Variants in DPP4 observed in about 807,000 individuals in gnomAD.
DPP4 encodes the protein ADCP-2.
DPP4 carries 93 observed loss-of-function variants against 122.4 expected under a neutral mutation model. The observed-to-expected ratio is 0.76, with a 90% CI of 0.64 to 0.90. The LOEUF is 0.90. Ranked by LOEUF, DPP4 falls within the 40% of genes least tolerant of loss-of-function variation. The pLI is 0.00. For missense variants in DPP4, 914 were observed against 907.3 expected (o/e 1.01, Z -0.09); for synonymous variants, 321 against 302.9 (o/e 1.06, Z -0.62).
At chr2:162,021,979 G>C (rs1476292444) in intron 12 of DPP4, among the ~76,000 whole-genome samples, 1 of 152,124 alleles carries the variant, frequency 6.6e-6, no homozygotes, top group Non-Finnish European at 1.5e-5. Context: ...TCACCTCTAT[G>C]ATCCAAGAGG....
intron 21 of DPP4, 106 bp from the exon 22 acceptor site, chr2:162,008,767 T>C: frequency 3.0e-6 from 3 of 1,000,064 alleles, no homozygotes; most frequent in South Asian, 1.4e-5. Flanking sequence ...TGTGCCTCTT[T>C]AGAGATAAAA....
intron 2 of DPP4, 173 bp downstream of exon 2, chr2:162,073,226 A>G (rs1469482952): frequency 1.7e-6 from 1 of 603,512 alleles, no homozygotes; most frequent in Non-Finnish European, 3.0e-6. Context: ...GACCCCGCGA[A>G]GTGAATCCAG....
intron 7 of DPP4, 99 bp downstream of exon 7, chr2:162,038,850 T>C (rs1461829536): frequency 5.7e-6 from 6 of 1,044,414 alleles, no homozygotes; most frequent in South Asian, 1.3e-5. Flanking sequence ...TAGTGAAGTA[T>C]TGAGTTCCTA....
intron 14 of DPP4, among the ~76,000 whole-genome samples, 155 bp from the exon 15 acceptor site, chr2:162,019,431 G>A (rs1314123893): frequency 6.6e-6 from 1 of 151,914 alleles, no homozygotes; most frequent in African/African-American, 2.4e-5. Context: ...TCACCCCCGA[G>A]AAGCCATTTT....
rs201186860 is a variant in DPP4, at chr2:161,992,605, A to G, written c.*678T>C. 1 of 152,830 alleles carries G rather than the reference A, an allele frequency of 6.5e-6. No homozygotes were observed. The highest frequency in any genetic ancestry group is 1.5e-5 in the Non-Finnish European group (1 of 68,096). 9.5% of individuals were successfully genotyped at this position (152,830 alleles called of 1,614,324 possible). A position where few individuals can be genotyped will look rare whatever the true frequency, so the allele number is the denominator to read the frequency against. Reference sequence around the variant, plus strand: ...CTGTGTTTTTGTAGCACCTATAGCCATAACTGGCACCTGGGGGCCTGCGTT... The same window carrying G: ...CTGTGTTTTTGTAGCACCTATAGCCGTAACTGGCACCTGGGGGCCTGCGTT... On this transcript the variant is annotated 3_prime_UTR_variant, in exon 26 of 26. Transcript: ENST00000360534.
chr2:162,055,572 G>C (rs1037777828), intron 2 of DPP4, among the ~76,000 whole-genome samples: 2 of 151,574 alleles, frequency 1.3e-5, no homozygotes, highest in Non-Finnish European at 2.9e-5. Context: ...TGGTGTACCT[G>C]TAAACCCAGC....
chr2:162,026,361 G>A (rs79870511), intron 10 of DPP4, among the ~76,000 whole-genome samples: 1,634 of 152,318 alleles, frequency 0.011, 18 homozygotes, highest in East Asian at 0.046. Context: ...CTCAGCCGCA[G>A]AGCACTGCAT....
rs187524986 is a variant in DPP4, at chr2:162,009,920, T to C, written c.1833-625A>G. On this transcript the variant is annotated intron_variant, in intron 20 of 25. Coordinates refer to ENST00000360534, the MANE Select transcript of DPP4 (RefSeq NM_001935.4). The stretch of plus-strand genomic sequence containing the variant: ...CAGAGATGGAATCCAGGTAAAGAAA[T>C]AAGAAAAATATTGTATGCACCTATT... Among the ~76,000 whole-genome samples the C allele has an allele frequency of 1.3e-3, 193 of 152,184 alleles. 1 individual carries two copies. Among genetic ancestry groups the C allele is most frequent in the Non-Finnish European group, 1.1e-3 (76 of 67,974 alleles).
intron 10 of DPP4, 42 bp downstream of exon 10, chr2:162,033,499 T>C: frequency 6.6e-7 from 1 of 1,520,646 alleles, no homozygotes. Flanking sequence ...CTAGAAAGTG[T>C]AAAACTGTTT....
At chr2:162,017,724 T>C (rs1162370221) in intron 16 of DPP4, among the ~76,000 whole-genome samples, 4 of 152,238 alleles carry the variant, frequency 2.6e-5, no homozygotes. Context: ...TTATCCCAAC[T>C]GTGGTAGTTG....
At chr2:162,027,390 A>C (rs1275326733) in intron 10 of DPP4, among the ~76,000 whole-genome samples, 3 of 151,870 alleles carry the variant, frequency 2.0e-5, no homozygotes, top group Admixed American at 1.3e-4. Flanking sequence ...CTTGTGGACC[A>C]CACAGAAATG....
intron 2 of DPP4, among the ~76,000 whole-genome samples, chr2:162,059,383 CGTGA>C (rs770966201): frequency 2.0e-5 from 3 of 152,112 alleles, no homozygotes; most frequent in Non-Finnish European, 4.4e-5. Flanking sequence ...GGCATTAGGC[CGTGA>C]AATCCGAGGT....
Position 162,018,966 on chromosome 2 carries a change from A to G in DPP4, c.1299-116T>C. The G allele has an allele frequency of 4.6e-6, 6 of 1,316,384 alleles. No homozygotes were observed. The South Asian group carries it at 8.8e-5, about 19-fold the overall frequency. The allele number at this position is 1,316,384 out of a possible 1,614,324, so 81.5% of individuals were successfully genotyped here. On this transcript the variant is annotated intron_variant, in intron 15 of 25. Transcript: ENST00000360534. The stretch of plus-strand genomic sequence containing the variant: ...GCAGCATGCCAACGCAATCTTTAGG[A>G]CTTTTTTTTTTTTAGCATGAAATAA...
chr2:162,071,650 A>C (rs1312595651), intron 2 of DPP4, among the ~76,000 whole-genome samples: 3 of 152,304 alleles, frequency 2.0e-5, no homozygotes, highest in East Asian at 3.9e-4. Flanking sequence ...TTTTTGAATC[A>C]TAAGAGTAGT....
rs754712090 is a variant in DPP4, at chr2:162,033,676, T to C, written c.775-23A>G. 28 of 1,537,828 alleles carry C rather than the reference T, an allele frequency of 1.8e-5. No individual in the cohort carries two copies. In the Admixed American group the frequency reaches 1.9e-4, roughly 11 times the overall value. On this transcript the variant is annotated intron_variant, in intron 9 of 25. Transcript: ENST00000360534. Reference sequence around the variant, plus strand: ...TGCCTAGGAAAAAATAATCACAGAATTGGTATTGACAAAAAAAAAAAAGTA... The same window carrying C: ...TGCCTAGGAAAAAATAATCACAGAACTGGTATTGACAAAAAAAAAAAAGTA...
At chr2:162,053,563 A>G (rs552666859) in intron 2 of DPP4, among the ~76,000 whole-genome samples, 61 of 152,356 alleles carry the variant, frequency 4.0e-4, no homozygotes, top group Admixed American at 1.8e-3. Flanking sequence ...GGAAAGGACT[A>G]TGTCAAAAAA....
intron 2 of DPP4, among the ~76,000 whole-genome samples, chr2:162,069,566 T>C (rs944684637): frequency 3.3e-5 from 5 of 152,178 alleles, no homozygotes; most frequent in Non-Finnish European, 7.4e-5. Flanking sequence ...CCAAAATAAC[T>C]GGCCTGAAAA....
intron 10 of DPP4, among the ~76,000 whole-genome samples, chr2:162,032,981 T>TC (rs1683612753): frequency 6.6e-6 from 1 of 152,140 alleles, no homozygotes; most frequent in African/African-American, 2.4e-5. Context: ...CCTGACCTTG[T>TC]CCCTTCCACT....
chr2:162,033,524 C>T lies in DPP4; in HGVS notation c.887+17G>A. The T allele has an allele frequency of 6.3e-7, 1 of 1,581,056 alleles. No homozygotes were observed. Among genetic ancestry groups the T allele is most frequent in the Non-Finnish European group, 8.6e-7 (1 of 1,159,584 alleles). On this transcript the variant is annotated intron_variant, in intron 10 of 25. Coordinates refer to ENST00000360534, the MANE Select transcript of DPP4 (RefSeq NM_001935.4). ...TAAAACTGTTTACAAGCCAAGCATT[C>T]AGGACAAGAGTCTTACCCTATCAAC...
Sources: gnomAD v4.1 joint callset for allele counts (sites outside exome capture counted in the v4.1 genomes callset) on GRCh38, gnomAD v4.1.1 for gene constraint, MANE v1.5 for transcripts, NCBI Gene and HGNC (gene_info 2026-07-23, HGNC 2026-07-21) for gene names.